The following ERC1 variants were observed in gnomAD, a reference collection of about 807,000 sequenced individuals.
ERC1 encodes RAB6 interacting protein 2.
Under a neutral mutation model 132.0 loss-of-function variants are expected in ERC1, and 56 were observed. The ratio of observed to expected loss-of-function variants is 0.42; its 90% CI spans 0.34 to 0.53. ERC1 has a LOEUF of 0.53. ERC1 is among the 20% of genes least tolerant of loss of function. ERC1 has a pLI of 0.03. For missense variants in ERC1, 1,202 were observed against 1,349.9 expected (o/e 0.89, Z 1.72); for synonymous variants, 478 against 476.1 (o/e 1.00, Z -0.05).
intron 2 of ERC1, among the ~76,000 whole-genome samples, chr12:1,063,753 A>T (rs1938521229): frequency 1.3e-5 from 2 of 151,826 alleles, no homozygotes; most frequent in African/African-American, 4.8e-5. Context: ...TTGTTTTCTG[A>T]TTGCTTTGTA....
Position 1,345,643 on chromosome 12 carries a change from T to G in ERC1, c.2781-26190T>G, listed in dbSNP as rs149099701. 9.9e-5 allele frequency among the ~76,000 whole-genome samples: 15 copies of G among 152,284 alleles called. No individual in the cohort carries two copies. In the East Asian group the frequency reaches 2.9e-3, roughly 29 times the overall value. On this transcript the variant is annotated intron_variant, in intron 15 of 18. Transcript: ENST00000360905. ...TAAAAGATGAAGAAATTATCACTTC[T>G]TCTCACCAGTTTTTAATGATATAGT... is the stretch of plus-strand genomic sequence containing the variant.
chr12:1,011,482 A>C (rs1377180505), intron 1 of ERC1, among the ~76,000 whole-genome samples: 2 of 152,196 alleles, frequency 1.3e-5, no homozygotes, highest in African/African-American at 4.8e-5. Context: ...CCAGGATTAC[A>C]GGTGTGAGCC....
chr12:1,154,247 GTATA>G (rs1951122346), intron 8 of ERC1, among the ~76,000 whole-genome samples: 1 of 108,080 alleles, frequency 9.3e-6, no homozygotes, highest in Non-Finnish European at 2.0e-5. Flanking sequence ...ATATGTATAT[GTATA>G]TGTATATGTG....
At chr12:1,404,581 A>ACT (rs1566784805) in intron 16 of ERC1, among the ~76,000 whole-genome samples, 1 of 152,222 alleles carries the variant, frequency 6.6e-6, no homozygotes, top group Non-Finnish European at 1.5e-5. Context: ...CAGTGATAGA[A>ACT]CTAGATATTT....
intron 6 of ERC1, among the ~76,000 whole-genome samples, chr12:1,114,657 G>A (rs577948905): frequency 6.6e-6 from 1 of 151,454 alleles, no homozygotes; most frequent in African/African-American, 2.4e-5. Flanking sequence ...GTTACAGTGT[G>A]TGCTAACTCT....
chr12:1,258,356 T>C (rs1367086593), intron 13 of ERC1, among the ~76,000 whole-genome samples: 1 of 152,184 alleles, frequency 6.6e-6, no homozygotes, highest in Non-Finnish European at 1.5e-5. Context: ...TATGGACTTT[T>C]TGAAGGAGAA....
chr12:1,243,014 C>T (rs921014179), intron 13 of ERC1, among the ~76,000 whole-genome samples: 3 of 151,126 alleles, frequency 2.0e-5, no homozygotes, highest in South Asian at 2.1e-4. Context: ...GGTGAAACCC[C>T]GTCTCTACTA....
intron 1 of ERC1, among the ~76,000 whole-genome samples, chr12:996,981 C>T (rs1455172779): frequency 2.6e-5 from 4 of 152,092 alleles, no homozygotes; most frequent in African/African-American, 9.7e-5. Flanking sequence ...TGCGATGGTG[C>T]GGTTATAGCT....
At chr12:1,020,327 C>T (rs1966160520) in intron 1 of ERC1, among the ~76,000 whole-genome samples, 1 of 152,112 alleles carries the variant, frequency 6.6e-6, no homozygotes, top group African/African-American at 2.4e-5. Context: ...CCTGGTGGCA[C>T]ATGCCTGTAA....
intron 15 of ERC1, among the ~76,000 whole-genome samples, chr12:1,346,943 C>T (rs1338802340): frequency 9.0e-4 from 46 of 51,314 alleles, no homozygotes; most frequent in African/African-American, 1.6e-3. Flanking sequence ...AGCGAGACTC[C>T]GTCTCAAAAA....
intron 14 of ERC1, among the ~76,000 whole-genome samples, chr12:1,266,381 C>T (rs59293723): frequency 9.2e-6 from 1 of 108,680 alleles, no homozygotes; most frequent in Non-Finnish European, 2.0e-5. Flanking sequence ...TTATTTTTAT[C>T]GTTTCCTGTC....
At chr12:1,108,103 G>A (rs1340274265) in intron 4 of ERC1, among the ~76,000 whole-genome samples, 2 of 152,180 alleles carry the variant, frequency 1.3e-5, no homozygotes, top group African/African-American at 4.8e-5. Context: ...CTAGTTGAGA[G>A]TATCAGGCCT....
At chr12:1,213,586 A>G (rs1253496513) in intron 12 of ERC1, among the ~76,000 whole-genome samples, 3 of 151,788 alleles carry the variant, frequency 2.0e-5, no homozygotes, top group Non-Finnish European at 4.4e-5. Flanking sequence ...AAAATACAGA[A>G]ACTGCCTGGT....
At chr12:1,431,158 T>C (rs1223594126) in intron 17 of ERC1, among the ~76,000 whole-genome samples, 1 of 152,232 alleles carries the variant, frequency 6.6e-6, no homozygotes, top group African/African-American at 2.4e-5. Context: ...TGATGCCGAC[T>C]GAGAACTTAG....
At chr12:1,012,814 G>A (rs2154139993) in intron 1 of ERC1, among the ~76,000 whole-genome samples, 1 of 152,076 alleles carries the variant, frequency 6.6e-6, no homozygotes, top group East Asian at 1.9e-4. Context: ...CCAGAATTCA[G>A]AATTTTTTTC....
chr12:1,405,925 CAAAT>C (rs1362054498), intron 16 of ERC1, among the ~76,000 whole-genome samples: 2 of 151,966 alleles, frequency 1.3e-5, no homozygotes, highest in African/African-American at 2.4e-5. Flanking sequence ...CTAAAACCAA[CAAAT>C]AAATATATAT....
intron 12 of ERC1, among the ~76,000 whole-genome samples, chr12:1,206,910 TG>T (rs1352117663): frequency 6.6e-6 from 1 of 152,154 alleles, no homozygotes. Context: ...GCACATTTTT[TG>T]TGTGTGAAGA....
intron 1 of ERC1, among the ~76,000 whole-genome samples, chr12:993,313 C>G (rs1048013983): frequency 6.6e-6 from 1 of 152,122 alleles, no homozygotes; most frequent in Non-Finnish European, 1.5e-5. Context: ...CTGGGTAAAA[C>G]TTGTGTGTAC....
chr12:1,213,458 C>G (rs940859058), intron 12 of ERC1, among the ~76,000 whole-genome samples: 1 of 151,744 alleles, frequency 6.6e-6, no homozygotes, highest in Non-Finnish European at 1.5e-5. Context: ...GTTTTAAGAC[C>G]GGGTGCGGTG....
Sources: allele counts gnomAD v4.1 joint callset (sites outside exome capture counted in the v4.1 genomes callset), GRCh38; gene constraint gnomAD v4.1.1; transcripts MANE v1.5; gene names NCBI Gene and HGNC (gene_info 2026-07-23, HGNC 2026-07-21).